Variants in CDYL observed in about 807,000 individuals in gnomAD.
CDYL encodes chromodomain Y like, also known as chromodomain Y-like protein.
In CDYL, 8 loss-of-function variants were observed where a neutral mutation model predicts 47.3. That is an observed-to-expected ratio of 0.17 (90% CI 0.10 to 0.31). The LOEUF (loss-of-function observed/expected upper bound fraction) is 0.31, where lower values mean the gene tolerates loss of function less well. Among genes scored for constraint, CDYL ranks in the 10% least tolerant of loss-of-function variants. The pLI, the probability that CDYL is intolerant of heterozygous loss-of-function variation, is 1.00. For missense variants in CDYL, 471 were observed against 701.4 expected (o/e 0.67, Z 3.71); for synonymous variants, 266 against 265.0 (o/e 1.00, Z -0.04).
intron 1 of CDYL, among the ~76,000 whole-genome samples, chr6:4,802,383 A>G (rs74845572): frequency 0.14 from 21,670 of 152,040 alleles, 1,681 homozygotes; most frequent in African/African-American, 0.19. Context: ...ACTAAAAATA[A>G]AAAAAACTTA....
intron 1 of CDYL, among the ~76,000 whole-genome samples, chr6:4,841,987 A>T (rs1206353591): frequency 5.5e-5 from 8 of 145,628 alleles, no homozygotes; most frequent in African/African-American, 2.0e-4. Context: ...TTAATAATAA[A>T]TTATTAATAT....
intron 2 of CDYL, among the ~76,000 whole-genome samples, chr6:4,906,141 C>T (rs777148592): frequency 3.3e-5 from 5 of 152,294 alleles, no homozygotes; most frequent in Non-Finnish European, 5.9e-5. Flanking sequence ...GTCTGCCTCT[C>T]CCATGGGCGG....
rs1470312534 is a variant in CDYL, at chr6:4,782,022, G to A, written c.24+5215G>A. 2.8e-5 allele frequency among the ~76,000 whole-genome samples: 4 copies of A among 141,020 alleles called. 1 individual carries two copies. The highest frequency in any genetic ancestry group is 6.1e-5 in the Non-Finnish European group (4 of 66,036). The allele number at this position is 141,020 out of a possible 152,430, so 92.5% of individuals were successfully genotyped here. A position where few individuals can be genotyped will look rare whatever the true frequency, so the allele number is the denominator to read the frequency against. ...GGTGGATTTAGGAGCCTCTGGATAC[G>A]CCCTTCTGTGTTTCAGACCCTTAGG... On this transcript the variant is annotated intron_variant, in intron 1 of 6. Transcript: ENST00000397588.
chr6:4,789,495 C>G (rs1758859411), intron 1 of CDYL, among the ~76,000 whole-genome samples: 1 of 152,116 alleles, frequency 6.6e-6, no homozygotes, highest in South Asian at 2.1e-4. Context: ...TGGCAGCCTC[C>G]CCGCCCTAGG....
At chr6:4,904,391 A>C (rs920543930) in intron 2 of CDYL, among the ~76,000 whole-genome samples, 1 of 152,276 alleles carries the variant, frequency 6.6e-6, no homozygotes, top group Non-Finnish European at 1.5e-5. Context: ...GGCATCCTTA[A>C]TAGGAAATAT....
intron 1 of CDYL, among the ~76,000 whole-genome samples, chr6:4,852,531 C>CCTTG (rs1205638221): frequency 1.8e-5 from 2 of 110,230 alleles, no homozygotes; most frequent in Admixed American, 1.8e-4. Flanking sequence ...TTCCTTCCTT[C>CCTTG]CAATCTTCCT....
At chr6:4,886,885 G>A (rs1341631720) in intron 1 of CDYL, among the ~76,000 whole-genome samples, 2 of 152,136 alleles carry the variant, frequency 1.3e-5, no homozygotes, top group African/African-American at 4.8e-5. Context: ...GGTATGAGGT[G>A]TAAAGGTCCA....
At chr6:4,820,777 G>A (rs1036548093) in intron 1 of CDYL, among the ~76,000 whole-genome samples, 2 of 152,198 alleles carry the variant, frequency 1.3e-5, no homozygotes, top group African/African-American at 2.4e-5. Flanking sequence ...TTAATTGCAG[G>A]TGTGGAAACA....
intron 1 of CDYL, among the ~76,000 whole-genome samples, chr6:4,803,085 G>A (rs893956706): frequency 6.6e-6 from 1 of 152,168 alleles, no homozygotes; most frequent in African/African-American, 2.4e-5. Flanking sequence ...CTAGTTTCAA[G>A]AGCCCTTCAG....
chr6:4,753,087 C>G (rs1758022913), intron 3 of CDYL, among the ~76,000 whole-genome samples: 1 of 151,918 alleles, frequency 6.6e-6, no homozygotes, highest in South Asian at 2.1e-4. Flanking sequence ...CCGGCTAATC[C>G]TTCTGGTAGA....
chr6:4,706,709 A>C (rs536379518), intron 1 of CDYL, among the ~76,000 whole-genome samples: 46 of 152,294 alleles, frequency 3.0e-4, no homozygotes, highest in Admixed American at 2.0e-3. Context: ...GAATCGCTTG[A>C]ATCCTGGAGG....
intron 5 of CDYL, among the ~76,000 whole-genome samples, chr6:4,946,465 T>A (rs186857823): frequency 6.6e-6 from 1 of 152,150 alleles, no homozygotes; most frequent in Non-Finnish European, 1.5e-5. Flanking sequence ...GTCCCCTTTT[T>A]GGCTTGCCCA....
At chr6:4,890,092 A>G in intron 1 of CDYL, 1 of 985,446 alleles carries the variant, frequency 1.0e-6, no homozygotes, top group Non-Finnish European at 1.2e-6. Flanking sequence ...CTGGTTTAGT[A>G]TACTGCCCGC....
chr6:4,853,268 A>G (rs1319574654), intron 1 of CDYL, among the ~76,000 whole-genome samples: 1 of 152,164 alleles, frequency 6.6e-6, no homozygotes, highest in Non-Finnish European at 1.5e-5. Flanking sequence ...GAATTACCAC[A>G]TTCAGTTCTC....
chr6:4,760,691 A>C (rs1290664335), intron 3 of CDYL, among the ~76,000 whole-genome samples: 3 of 152,228 alleles, frequency 2.0e-5, no homozygotes, highest in Non-Finnish European at 4.4e-5. Flanking sequence ...AATTGGCATA[A>C]AAGGACCAAG....
At chr6:4,712,620 G>C (rs898811103) in intron 1 of CDYL, among the ~76,000 whole-genome samples, 1 of 152,170 alleles carries the variant, frequency 6.6e-6, no homozygotes, top group Non-Finnish European at 1.5e-5. Flanking sequence ...TCCACACTGG[G>C]ATATTCACTA....
intron 2 of CDYL, among the ~76,000 whole-genome samples, chr6:4,734,535 T>C (rs1476069031): frequency 2.0e-5 from 3 of 152,226 alleles, no homozygotes; most frequent in Admixed American, 2.0e-4. Flanking sequence ...GCTCTCTCTG[T>C]CTGCTTTCTC....
chr6:4,769,720 T>A (rs1758307813), intron 3 of CDYL, among the ~76,000 whole-genome samples: 1 of 152,198 alleles, frequency 6.6e-6, no homozygotes, highest in Non-Finnish European at 1.5e-5. Context: ...ACCAGACTCA[T>A]CTCTAGGTGG....
At chr6:4,830,649 A>T (rs1266250163) in intron 1 of CDYL, among the ~76,000 whole-genome samples, 1 of 151,890 alleles carries the variant, frequency 6.6e-6, no homozygotes, top group African/African-American at 2.4e-5. Context: ...CATGTGCACA[A>T]TGTGCAGGTT....
Sources: gnomAD v4.1 joint callset for allele counts (sites outside exome capture counted in the v4.1 genomes callset) on GRCh38, gnomAD v4.1.1 for gene constraint, MANE v1.5 for transcripts, NCBI Gene and HGNC (gene_info 2026-07-23, HGNC 2026-07-21) for gene names.